The following AUTS2 variants were observed in gnomAD, a reference collection of about 807,000 sequenced individuals.
The protein encoded by AUTS2 is activator of transcription and developmental regulator AUTS2, also known as autism susceptibility gene 2 protein.
AUTS2 carries 17 observed loss-of-function variants against 112.4 expected under a neutral mutation model. That is an observed-to-expected ratio of 0.15 (90% CI 0.10 to 0.23). AUTS2 has a LOEUF of 0.23. Ranked by LOEUF, AUTS2 falls within the 10% of genes least tolerant of loss-of-function variation. AUTS2 has a pLI of 1.00. For missense variants in AUTS2, 1,510 were observed against 1,701.6 expected (o/e 0.89, Z 1.98); for synonymous variants, 751 against 702.7 (o/e 1.07, Z -1.09).
intron 1 of AUTS2, among the ~76,000 whole-genome samples, chr7:69,733,174 T>C (rs1178336187): frequency 6.6e-6 from 1 of 152,100 alleles, no homozygotes; most frequent in Non-Finnish European, 1.5e-5. Context: ...CCTGAGGGGA[T>C]AGAGATGACA....
chr7:69,921,172 A>G (rs190135693), intron 2 of AUTS2, among the ~76,000 whole-genome samples: 8 of 152,222 alleles, frequency 5.3e-5, no homozygotes, highest in African/African-American at 4.8e-5. Context: ...ATAAATGCCT[A>G]TGTGTTTTTC....
intron 2 of AUTS2, among the ~76,000 whole-genome samples, chr7:69,941,579 ATTTTT>A (rs56227016): frequency 7.2e-6 from 1 of 139,140 alleles, no homozygotes; most frequent in Admixed American, 7.1e-5. Flanking sequence ...GACCTTCTAG[ATTTTT>A]TTTTTTTTTT....
rs1466177203 is a variant in AUTS2, at chr7:69,967,337, T to C, written c.522+67839T>C. On this transcript the variant is annotated intron_variant, in intron 2 of 18. Transcript: ENST00000342771. The stretch of plus-strand genomic sequence containing the variant: ...GAGGTACCAGGGGACATAGCCTGCC[T>C]CCTGCCTTTACTGACATGTGCCATT... Among the ~76,000 whole-genome samples, 6 of 152,198 alleles carry C rather than the reference T, an allele frequency of 3.9e-5. No individual in the cohort carries two copies. The South Asian group carries it at 1.2e-3, about 32-fold the overall frequency.
At chr7:70,487,541 G>A (rs948613523) in intron 5 of AUTS2, among the ~76,000 whole-genome samples, 1 of 152,222 alleles carries the variant, frequency 6.6e-6, no homozygotes, top group African/African-American at 2.4e-5. Context: ...AGATGCAACA[G>A]AGGGCCTACT....
At chr7:70,532,044 TG>T (rs1800117948) in intron 5 of AUTS2, among the ~76,000 whole-genome samples, 1 of 152,116 alleles carries the variant, frequency 6.6e-6, no homozygotes. Flanking sequence ...GGGATGGTGC[TG>T]GGACTTGGCT....
chr7:69,816,645 A>G (rs7781403), intron 1 of AUTS2, among the ~76,000 whole-genome samples: 38,186 of 152,118 alleles, frequency 0.25, 4,834 homozygotes, highest in Middle Eastern at 0.34. Context: ...AGAGTACTTT[A>G]CAGTTTACCA....
chr7:70,466,166 C>G (rs2115733316), intron 5 of AUTS2, among the ~76,000 whole-genome samples: 1 of 152,256 alleles, frequency 6.6e-6, no homozygotes, highest in Middle Eastern at 3.4e-3. Context: ...GACACCCACC[C>G]AAACAAGAGT....
At chr7:70,240,447 C>G (rs1351072935) in intron 4 of AUTS2, among the ~76,000 whole-genome samples, 1 of 152,132 alleles carries the variant, frequency 6.6e-6, no homozygotes, top group Non-Finnish European at 1.5e-5. Flanking sequence ...GATGGTAGTA[C>G]ACTTATAATC....
At chr7:69,715,117 G>A (rs1798538129) in intron 1 of AUTS2, among the ~76,000 whole-genome samples, 2 of 150,774 alleles carry the variant, frequency 1.3e-5, no homozygotes, top group Non-Finnish European at 2.9e-5. Flanking sequence ...TACCAGAGGA[G>A]GTCATTTACC....
chr7:69,837,961 A>G (rs1791799803), intron 1 of AUTS2, among the ~76,000 whole-genome samples: 4 of 152,082 alleles, frequency 2.6e-5, no homozygotes, highest in Admixed American at 2.6e-4. Context: ...GCTCTGGACT[A>G]GATGTTCTCT....
intron 6 of AUTS2, among the ~76,000 whole-genome samples, chr7:70,718,926 C>T (rs567154874): frequency 7.1e-4 from 108 of 152,262 alleles, no homozygotes; most frequent in African/African-American, 2.5e-3. Flanking sequence ...CAACAGGCCT[C>T]ACCCTGGACT....
At chr7:69,983,176 A>T (rs1798365899) in intron 2 of AUTS2, among the ~76,000 whole-genome samples, 1 of 152,218 alleles carries the variant, frequency 6.6e-6, no homozygotes, top group Non-Finnish European at 1.5e-5. Context: ...ATATTTTCTT[A>T]CAACATTTGC....
At chr7:70,617,717 G>A (rs1478975819) in intron 5 of AUTS2, among the ~76,000 whole-genome samples, 6 of 152,048 alleles carry the variant, frequency 3.9e-5, no homozygotes, top group African/African-American at 1.4e-4. Context: ...CCGAGGGAGA[G>A]GAGGAAGGGG....
chr7:69,709,307 A>G (rs1019555226), intron 1 of AUTS2, among the ~76,000 whole-genome samples: 1 of 152,146 alleles, frequency 6.6e-6, no homozygotes, highest in Non-Finnish European at 1.5e-5. Flanking sequence ...TATGTGAATC[A>G]CAGAAAGGGA....
chr7:69,909,427 C>G lies in AUTS2; in HGVS notation c.522+9929C>G, dbSNP rs568865148. Among the ~76,000 whole-genome samples the G allele has an allele frequency of 8.6e-5, 13 of 152,032 alleles. No individual in the cohort carries two copies. In the East Asian group the frequency reaches 2.1e-3, roughly 25 times the overall value. ...TTTTATTTTTCATTTTTTTAAAGTT[C>G]TAATTTCTTGTTTTTTCCCATCTGT... On this transcript the variant is annotated intron_variant, in intron 2 of 18. Transcript: ENST00000342771.
At chr7:70,692,068 A>G (rs1016793667) in intron 5 of AUTS2, among the ~76,000 whole-genome samples, 7 of 152,024 alleles carry the variant, frequency 4.6e-5, no homozygotes, top group South Asian at 4.2e-4. Context: ...GGGTTTCGCC[A>G]TGTTAGCCAG....
At chr7:69,692,299 AGG>A (rs1797382615) in intron 1 of AUTS2, among the ~76,000 whole-genome samples, 1 of 152,206 alleles carries the variant, frequency 6.6e-6, no homozygotes, top group Non-Finnish European at 1.5e-5. Context: ...CTTTGAAATG[AGG>A]AGTTTTTATA....
intron 1 of AUTS2, among the ~76,000 whole-genome samples, chr7:69,814,594 T>C (rs1011498662): frequency 3.9e-5 from 6 of 152,220 alleles, no homozygotes; most frequent in African/African-American, 9.6e-5. Flanking sequence ...TCTAACCCAG[T>C]GTACTGAATA....
rs964900734 is a variant in AUTS2, at chr7:70,604,595, C to G, written c.691-93974C>G. Among the ~76,000 whole-genome samples the G allele has an allele frequency of 2.6e-5, 4 of 152,210 alleles. No homozygotes were observed. In the South Asian group the frequency reaches 8.3e-4, roughly 32 times the overall value. On this transcript the variant is annotated intron_variant, in intron 5 of 18. Coordinates refer to ENST00000342771, the MANE Select transcript of AUTS2 (RefSeq NM_015570.4). ...CCCTACTTTAAGGATTTGGCTGTTCCCCAGTATAGAATTAGAGAACGTCAG... is the reference window on the plus strand; with the variant it reads ...CCCTACTTTAAGGATTTGGCTGTTCGCCAGTATAGAATTAGAGAACGTCAG...
Sources: allele counts gnomAD v4.1 joint callset (sites outside exome capture counted in the v4.1 genomes callset), GRCh38; gene constraint gnomAD v4.1.1; transcripts MANE v1.5; gene names NCBI Gene and HGNC (gene_info 2026-07-23, HGNC 2026-07-21).